Variants in FRAS1 observed in about 807,000 individuals in gnomAD.
FRAS1 encodes the protein Fraser extracellular matrix complex subunit 1.
FRAS1 carries 290 observed loss-of-function variants against 435.2 expected under a neutral mutation model. That is an observed-to-expected ratio of 0.67 (90% CI 0.61 to 0.73). The LOEUF (loss-of-function observed/expected upper bound fraction) is 0.73, where lower values mean the gene tolerates loss of function less well. Ranked by LOEUF, FRAS1 falls within the 30% of genes least tolerant of loss-of-function variation. The pLI, the probability that FRAS1 is intolerant of heterozygous loss-of-function variation, is 0.00. For missense variants in FRAS1, 4,860 were observed against 5,001.5 expected, an observed-to-expected ratio of 0.97 and a Z score of 0.85; for synonymous variants, 1,800 against 1,851.0, an observed-to-expected ratio of 0.97 and a Z score of 0.71.
chr4:78,467,371 G>A (rs995581305), intron 50 of FRAS1, among the ~76,000 whole-genome samples: 4 of 152,100 alleles, frequency 2.6e-5, no homozygotes, highest in African/African-American at 4.8e-5. Context: ...ATGGCCTCCC[G>A]TTCTATACAT....
At chr4:78,274,862 A>T (rs1726913009) in intron 9 of FRAS1, among the ~76,000 whole-genome samples, 1 of 151,950 alleles carries the variant, frequency 6.6e-6, no homozygotes, top group African/African-American at 2.4e-5. Context: ...CAATTCCTGG[A>T]TATTCTTGTT....
At position 78,159,246 on chromosome 4, in the gene FRAS1, A is replaced by G. The variant is rs141771636; in HGVS notation, c.109-78264A>G. Among the ~76,000 whole-genome samples, 132 of 152,268 alleles carry G rather than the reference A, an allele frequency of 8.7e-4. 1 individual carries two copies. The highest frequency in any genetic ancestry group is 3.0e-3 in the African/African-American group (123 of 41,572). On this transcript the variant is annotated intron_variant, in intron 2 of 73. Transcript: ENST00000512123. ...TCCTTTGAAGCGCCACTGGAGGGGA[A>G]CTTGATGTACTGGGAATATGAAGGA...
intron 2 of FRAS1, among the ~76,000 whole-genome samples, chr4:78,197,505 A>T (rs1722866418): frequency 6.6e-6 from 1 of 152,182 alleles, no homozygotes; most frequent in Non-Finnish European, 1.5e-5. Context: ...TTCTCAAGGG[A>T]TGCATGGCCT....
chr4:78,215,973 T>G (rs1196211322), intron 2 of FRAS1, among the ~76,000 whole-genome samples: 2 of 152,232 alleles, frequency 1.3e-5, no homozygotes, highest in South Asian at 2.1e-4. Flanking sequence ...ATTTAGTGCT[T>G]CTTCTTATTT....
At chr4:78,253,799 A>G (rs1467726818) in intron 5 of FRAS1, among the ~76,000 whole-genome samples, 10 of 152,164 alleles carry the variant, frequency 6.6e-5, no homozygotes, top group Admixed American at 6.6e-4. Flanking sequence ...GGGAATAGGG[A>G]AAAGATCCTT....
intron 2 of FRAS1, among the ~76,000 whole-genome samples, chr4:78,068,892 G>T (rs575987888): frequency 1.3e-5 from 2 of 152,062 alleles, no homozygotes. Context: ...ATCATTCACT[G>T]CTGCTCTCTC....
chr4:78,421,525 C>T lies in FRAS1; in HGVS notation c.4541-338C>T, dbSNP rs555942138. ...AGATTGAGGGTGGGTCTGCCTTTCC[C>T]AGCCCACTGACTCAAATATTTATCT... On this transcript the variant is annotated intron_variant, in intron 33 of 73. Transcript: ENST00000512123. 2.6e-5 allele frequency among the ~76,000 whole-genome samples: 4 copies of T among 152,300 alleles called. No individual in the cohort carries two copies. The East Asian group carries it at 7.7e-4, about 29-fold the overall frequency.
intron 2 of FRAS1, among the ~76,000 whole-genome samples, chr4:78,166,652 G>A (rs577331794): frequency 9.2e-5 from 14 of 152,232 alleles, no homozygotes; most frequent in African/African-American, 2.9e-4. Flanking sequence ...TTAGGCAGTG[G>A]TTCCTTTGAA....
chr4:78,303,169 G>T (rs1728509748), intron 14 of FRAS1, among the ~76,000 whole-genome samples: 1 of 152,146 alleles, frequency 6.6e-6, no homozygotes, highest in African/African-American at 2.4e-5. Context: ...GATAGTTGTA[G>T]ATATGCGGCA....
chr4:78,248,633 G>C lies in FRAS1; in HGVS notation c.309+3308G>C, dbSNP rs983568311. ...CAGCCTTGTTCTCCTCAAAGTAGAG[G>C]ATGTAATTATAATATGCACTGAACA... On this transcript the variant is annotated intron_variant, in intron 4 of 73. Coordinates refer to ENST00000512123, the MANE Select transcript of FRAS1 (RefSeq NM_025074.7). 5.9e-5 allele frequency among the ~76,000 whole-genome samples: 9 copies of C among 152,100 alleles called. No homozygotes were observed. In the East Asian group the frequency reaches 1.7e-3, roughly 29 times the overall value.
intron 17 of FRAS1, 41 bp downstream of exon 17, chr4:78,317,549 C>T (rs1729329327): frequency 7.0e-6 from 11 of 1,565,470 alleles, no homozygotes; most frequent in Non-Finnish European, 9.5e-6. Flanking sequence ...GGCTATCCCA[C>T]AAGAACATAG....
At chr4:78,123,462 TC>T (rs1441019718) in intron 2 of FRAS1, among the ~76,000 whole-genome samples, 2 of 152,212 alleles carry the variant, frequency 1.3e-5, no homozygotes, top group African/African-American at 4.8e-5. Flanking sequence ...CTATGCAGGC[TC>T]TTTTTTGGTT....
At chr4:78,336,204 C>G (rs1369105753) in intron 19 of FRAS1, among the ~76,000 whole-genome samples, 1 of 152,082 alleles carries the variant, frequency 6.6e-6, no homozygotes, top group African/African-American at 2.4e-5. Flanking sequence ...CTTTTTCTAA[C>G]TGTCTTTTTA....
chr4:78,122,877 C>T (rs1719109519), intron 2 of FRAS1, among the ~76,000 whole-genome samples: 1 of 152,072 alleles, frequency 6.6e-6, no homozygotes, highest in African/African-American at 2.4e-5. Context: ...TGGATATTAG[C>T]CCTTTGTCAG....
chr4:78,238,697 C>T (rs187140346), intron 3 of FRAS1, among the ~76,000 whole-genome samples: 116 of 152,184 alleles, frequency 7.6e-4, no homozygotes, highest in African/African-American at 2.7e-3. Flanking sequence ...CATTATTTGG[C>T]TTGCTAAGCA....
At chr4:78,112,874 C>A (rs771092174) in intron 2 of FRAS1, among the ~76,000 whole-genome samples, 1 of 151,800 alleles carries the variant, frequency 6.6e-6, no homozygotes, top group African/African-American at 2.4e-5. Flanking sequence ...ATGTGCACAA[C>A]GTGCAGGTTT....
chr4:78,131,541 C>T (rs1289516894), intron 2 of FRAS1, among the ~76,000 whole-genome samples: 1 of 152,144 alleles, frequency 6.6e-6, no homozygotes, highest in Non-Finnish European at 1.5e-5. Flanking sequence ...GTTAAAAATG[C>T]CTGTGCTAAG....
intron 6 of FRAS1, among the ~76,000 whole-genome samples, chr4:78,256,493 A>G (rs1202504683): frequency 2.0e-5 from 3 of 152,190 alleles, no homozygotes; most frequent in Non-Finnish European, 4.4e-5. Context: ...CACCATAACA[A>G]TAAGGGAGGT....
intron 2 of FRAS1, among the ~76,000 whole-genome samples, chr4:78,076,764 T>C (rs1418523990): frequency 6.6e-6 from 1 of 152,180 alleles, no homozygotes; most frequent in Non-Finnish European, 1.5e-5. Context: ...TTTATAGGAA[T>C]AAGATAACTC....
Sources: gnomAD v4.1 joint callset for allele counts (sites outside exome capture counted in the v4.1 genomes callset) on GRCh38, gnomAD v4.1.1 for gene constraint, MANE v1.5 for transcripts, NCBI Gene and HGNC (gene_info 2026-07-23, HGNC 2026-07-21) for gene names.